Variants in GALNT7 observed in about 807,000 individuals in gnomAD.
The protein encoded by GALNT7 is polypeptide N-acetylgalactosaminyltransferase 7.
In GALNT7, 60 loss-of-function variants were observed where a neutral mutation model predicts 82.1. That is an observed-to-expected ratio of 0.73 (90% CI 0.59 to 0.91). The LOEUF is 0.91. Ranked by LOEUF, GALNT7 falls within the 40% of genes least tolerant of loss-of-function variation. The probability of loss-of-function intolerance (pLI) is 0.00; values close to 1 mark genes in which losing one functional copy is unlikely to be tolerated. For synonymous variants in GALNT7, 243 were observed against 275.1 expected, an observed-to-expected ratio of 0.88 and a Z score of 1.15; for missense variants, 660 against 804.2, an observed-to-expected ratio of 0.82 and a Z score of 2.17.
In GALNT7 at chr4:173,292,403, G is replaced by T; in HGVS notation, c.754+129G>T. 1 of 592,166 alleles carries T rather than the reference G, an allele frequency of 1.7e-6. No individual in the cohort carries two copies. The allele number at this position is 592,166 out of a possible 1,614,324, so 36.7% of individuals were successfully genotyped here. ...TATTGATAGCATCTGTTATCAACAA[G>T]TTGACACTGTGCCAAGCATTGTATG... On this transcript the variant is annotated intron_variant, in intron 3 of 11. Transcript: ENST00000265000. The surrounding 1 kb of genome is among the most constrained non-coding windows in gnomAD (Gnocchi z 4.8).
intron 1 of GALNT7, among the ~76,000 whole-genome samples, chr4:173,189,029 C>G (rs751928273): frequency 6.6e-6 from 1 of 152,192 alleles, no homozygotes; most frequent in African/African-American, 2.4e-5. Flanking sequence ...CTCTTCGTCT[C>G]CCTGGTCTTG....
At chr4:173,212,189 T>C (rs1268799255) in intron 1 of GALNT7, among the ~76,000 whole-genome samples, 2 of 152,224 alleles carry the variant, frequency 1.3e-5, no homozygotes, top group East Asian at 1.9e-4. Flanking sequence ...GTTTGCTCTT[T>C]AACACTTAAT....
intron 2 of GALNT7, among the ~76,000 whole-genome samples, chr4:173,264,861 C>T (rs2126773835): frequency 6.6e-6 from 1 of 152,350 alleles, no homozygotes; most frequent in East Asian, 1.9e-4. Context: ...GGTATTGCCT[C>T]TTCCTGCATC....
chr4:173,246,886 A>G (rs534374533), intron 1 of GALNT7, among the ~76,000 whole-genome samples: 5 of 152,258 alleles, frequency 3.3e-5, no homozygotes, highest in African/African-American at 1.2e-4. Flanking sequence ...TGGCAGACCC[A>G]TCAGCCTATT....
Position 173,248,227 on chromosome 4 carries a change from C to T in GALNT7, c.374C>T (p.Pro125Leu). The change falls in exon 2 of 12, where the codon CCT becomes CTT. Residue 125 changes from proline (P) to leucine (L), a missense_variant. Physicochemically the swap from Pro to Leu is moderately conservative, Grantham distance 98 (BLOSUM62 -3). Transcript: ENST00000265000. ...CCTCAGACATTCACCTACCATGATCCTGTGCTTCGCCCAGGGATCCTCGGT... is the reference window on the plus strand; with the variant it reads ...CCTCAGACATTCACCTACCATGATCTTGTGCTTCGCCCAGGGATCCTCGGT... Reference protein sequence around the residue: ...FKPQTFTYHDPVLRPGILGNF... With the variant: ...FKPQTFTYHDLVLRPGILGNF... 6.2e-7 allele frequency: 1 copy of T among 1,613,954 alleles called. No homozygotes were observed.
At chr4:173,201,761 G>T (rs1732950835) in intron 1 of GALNT7, among the ~76,000 whole-genome samples, 1 of 152,128 alleles carries the variant, frequency 6.6e-6, no homozygotes, top group Admixed American at 6.5e-5. Context: ...AGCTTGAAGT[G>T]CCTCAATAAT....
At chr4:173,184,743 TA>T (rs35677774) in intron 1 of GALNT7, among the ~76,000 whole-genome samples, 35,619 of 149,350 alleles carry the variant, frequency 0.24, 4,624 homozygotes, top group African/African-American at 0.36. Flanking sequence ...CCTGATAATG[TA>T]AAAAAAAAAC....
chr4:173,229,760 C>T (rs1020652818), intron 1 of GALNT7, among the ~76,000 whole-genome samples: 4 of 152,176 alleles, frequency 2.6e-5, no homozygotes, highest in African/African-American at 7.2e-5. Flanking sequence ...CTACCTTCTC[C>T]TCATCGTATT....
intron 2 of GALNT7, among the ~76,000 whole-genome samples, chr4:173,270,398 T>C (rs545860987): frequency 1.3e-5 from 2 of 152,308 alleles, no homozygotes; most frequent in East Asian, 1.9e-4. Flanking sequence ...ACAAGTGTTT[T>C]GGGGAATATT....
At chr4:173,315,839 CT>C (rs1737579559) in intron 9 of GALNT7, 1 of 152,204 alleles carries the variant, frequency 6.6e-6, no homozygotes, top group African/African-American at 2.4e-5. Context: ...CTAAATTGAA[CT>C]TCCTATCTCC....
At chr4:173,263,369 T>A (rs146434836) in intron 2 of GALNT7, among the ~76,000 whole-genome samples, 131 of 152,334 alleles carry the variant, frequency 8.6e-4, no homozygotes, top group African/African-American at 3.0e-3. Context: ...ATTCTGTGCT[T>A]AGTGATGATT....
At chr4:173,266,766 G>A (rs1735507951) in intron 2 of GALNT7, among the ~76,000 whole-genome samples, 2 of 151,922 alleles carry the variant, frequency 1.3e-5, no homozygotes, top group Admixed American at 1.3e-4. Context: ...AATAAGCCAG[G>A]CACCGAAAGA....
intron 1 of GALNT7, among the ~76,000 whole-genome samples, chr4:173,179,507 T>A (rs1487784104): frequency 6.6e-6 from 1 of 152,228 alleles, no homozygotes; most frequent in African/African-American, 2.4e-5. Flanking sequence ...TATTCTTTAA[T>A]GTGAGCAAGG....
chr4:173,206,388 G>T (rs148198061), intron 1 of GALNT7, among the ~76,000 whole-genome samples: 216 of 152,276 alleles, frequency 1.4e-3, no homozygotes, highest in African/African-American at 5.1e-3. Context: ...TTTCTATGTG[G>T]ATGGTAGTTC....
At chr4:173,180,076 A>T (rs1304976565) in intron 1 of GALNT7, among the ~76,000 whole-genome samples, 3 of 152,220 alleles carry the variant, frequency 2.0e-5, no homozygotes, top group African/African-American at 7.2e-5. Flanking sequence ...ATATCTGAGT[A>T]ATGATATTTA....
At chr4:173,231,925 G>GA (rs1734042266) in intron 1 of GALNT7, among the ~76,000 whole-genome samples, 1 of 152,102 alleles carries the variant, frequency 6.6e-6, no homozygotes, top group Non-Finnish European at 1.5e-5. Flanking sequence ...GGTTGGGGAA[G>GA]AAAAACTAAC....
chr4:173,315,750 G>C (rs1737576188), intron 9 of GALNT7: 1 of 152,272 alleles, frequency 6.6e-6, no homozygotes, highest in Admixed American at 6.5e-5. Flanking sequence ...CTCTCTCTGA[G>C]GGCCCAGACA....
At chr4:173,241,294 C>A (rs1176949712) in intron 1 of GALNT7, among the ~76,000 whole-genome samples, 1 of 151,672 alleles carries the variant, frequency 6.6e-6, no homozygotes, top group Non-Finnish European at 1.5e-5. Flanking sequence ...ATTTAATTTT[C>A]CTGTTAAGTC....
At chr4:173,209,783 A>G (rs1318129594) in intron 1 of GALNT7, among the ~76,000 whole-genome samples, 2 of 152,108 alleles carry the variant, frequency 1.3e-5, no homozygotes, top group Admixed American at 6.5e-5. Context: ...GTGCCAGCAC[A>G]AAGTTTGTGA....
Sources: allele counts gnomAD v4.1 joint callset (sites outside exome capture counted in the v4.1 genomes callset), GRCh38; gene constraint gnomAD v4.1.1; non-coding constraint Gnocchi (gnomAD v3.1); transcripts MANE v1.5; gene names NCBI Gene and HGNC (gene_info 2026-07-23, HGNC 2026-07-21).